Variants in CACNA1E observed in about 807,000 individuals in gnomAD.
CACNA1E encodes the protein calcium voltage-gated channel subunit alpha1 E, also known as voltage-dependent R-type calcium channel subunit alpha-1E.
A neutral mutation model predicts 259.2 loss-of-function variants in CACNA1E; 40 were observed. The observed-to-expected ratio is 0.15, with a 90% confidence interval of 0.12 to 0.20. The LOEUF is 0.20. CACNA1E is among the 10% of genes least tolerant of loss of function. The pLI is 1.00. For missense variants in CACNA1E, 1,874 were observed against 3,040.1 expected (o/e 0.62, Z 9.02); for synonymous variants, 1,104 against 1,138.5 (o/e 0.97, Z 0.61).
chr1:181,485,794 T>C lies in CACNA1E; in HGVS notation c.266+1784T>C, dbSNP rs555355361. On this transcript the variant is annotated intron_variant, in intron 1 of 47. Transcript: ENST00000367573. This position sits in a 1 kb window ranked among gnomAD's most constrained non-coding sequence, Gnocchi z 4.2. Reference sequence around the variant, plus strand: ...CTAAATCTTCCCATCCACCAGGTGCTGCCTTGCTGTGCCCCTCTCTTAGGG... The same window carrying C: ...CTAAATCTTCCCATCCACCAGGTGCCGCCTTGCTGTGCCCCTCTCTTAGGG... Among the ~76,000 whole-genome samples the C allele has an allele frequency of 9.2e-5, 14 of 152,372 alleles. No individual in the cohort carries two copies. The highest frequency in any genetic ancestry group is 8.5e-4 in the Admixed American group (13 of 15,308).
At chr1:181,650,708 T>A (rs1237913816) in intron 6 of CACNA1E, among the ~76,000 whole-genome samples, 1 of 152,152 alleles carries the variant, frequency 6.6e-6, no homozygotes, top group Non-Finnish European at 1.5e-5. Flanking sequence ...TTGCAGGCAT[T>A]TTTTAATTCA....
At chr1:181,695,909 T>G (rs2102347308) in intron 7 of CACNA1E, among the ~76,000 whole-genome samples, 1 of 152,238 alleles carries the variant, frequency 6.6e-6, no homozygotes, top group East Asian at 1.9e-4. Flanking sequence ...GAGTTGAGAT[T>G]GCGCCACTGC....
At chr1:181,341,788 A>T (rs984641571) in intron 1 of CACNA1E, among the ~76,000 whole-genome samples, 1 of 152,112 alleles carries the variant, frequency 6.6e-6, no homozygotes, top group Non-Finnish European at 1.5e-5. Flanking sequence ...GACTACTTAC[A>T]TGGCTATTTT....
At chr1:181,520,560 T>G (rs1284103333) in intron 3 of CACNA1E, among the ~76,000 whole-genome samples, 3 of 152,210 alleles carry the variant, frequency 2.0e-5, no homozygotes, top group Non-Finnish European at 2.9e-5. Context: ...AGAAACAAAT[T>G]TCACTGAAAC....
chr1:181,409,742 C>A (rs1240044922), intron 1 of CACNA1E, among the ~76,000 whole-genome samples: 1 of 152,022 alleles, frequency 6.6e-6, no homozygotes, highest in Non-Finnish European at 1.5e-5. Context: ...AACAGACCCT[C>A]CTGGTGAACA....
chr1:181,638,129 A>C (rs992409832), intron 6 of CACNA1E, among the ~76,000 whole-genome samples: 10 of 152,132 alleles, frequency 6.6e-5, no homozygotes, highest in African/African-American at 2.2e-4. Context: ...TGAAGAATGA[A>C]ACCAGCTGTG....
chr1:181,788,288 C>G (rs1238583327), intron 43 of CACNA1E, among the ~76,000 whole-genome samples: 3 of 152,150 alleles, frequency 2.0e-5, no homozygotes, highest in African/African-American at 7.2e-5. Context: ...CATTGGGACA[C>G]TGGTGGAACA....
chr1:181,439,099 A>G (rs1158735989), intron 2 of CACNA1E, among the ~76,000 whole-genome samples: 1 of 152,218 alleles, frequency 6.6e-6, no homozygotes, highest in Non-Finnish European at 1.5e-5. Flanking sequence ...TTAAAAACAT[A>G]CCTACCAAAC....
intron 1 of CACNA1E, among the ~76,000 whole-genome samples, chr1:181,497,677 G>A (rs1172817484): frequency 6.6e-6 from 1 of 152,208 alleles, no homozygotes. Context: ...TGGTGCCACT[G>A]GCTGCTCTCT....
At chr1:181,407,710 A>T (rs773537389) in intron 1 of CACNA1E, among the ~76,000 whole-genome samples, 7 of 152,126 alleles carry the variant, frequency 4.6e-5, no homozygotes, top group Non-Finnish European at 8.8e-5. Flanking sequence ...TCCCTAGATG[A>T]ATATTTATTT....
chr1:181,423,578 A>C (rs1190450028), intron 2 of CACNA1E, among the ~76,000 whole-genome samples: 1 of 152,122 alleles, frequency 6.6e-6, no homozygotes, highest in Non-Finnish European at 1.5e-5. Flanking sequence ...TTCACACCGC[A>C]TTCAGCATCA....
At position 181,579,082 on chromosome 1, in the gene CACNA1E, T is replaced by A. The variant is rs985328341; in HGVS notation, c.627T>A (p.Ile209=). ...TGTCCTTCCTTCTAGGCCTGCAGATTGTGTTGAAGTCCATCATGAAGGCCA... is the reference window on the plus strand; with the variant it reads ...TGTCCTTCCTTCTAGGCCTGCAGATAGTGTTGAAGTCCATCATGAAGGCCA... The part of the protein sequence containing the change: ...KLVSGIPSLQ[I]VLKSIMKAMV... The change falls in exon 5 of 48, where the codon ATT becomes ATA. Residue 209 remains isoleucine (I), a synonymous_variant. Transcript: ENST00000367573. 4 of 1,609,722 alleles carry A rather than the reference T, an allele frequency of 2.5e-6. No individual in the cohort carries two copies. In the South Asian group the frequency reaches 3.3e-5, roughly 13 times the overall value.
At chr1:181,792,595 C>G (rs1473731980) in intron 44 of CACNA1E, among the ~76,000 whole-genome samples, 2 of 152,230 alleles carry the variant, frequency 1.3e-5, no homozygotes, top group African/African-American at 4.8e-5. Context: ...AGTACCCCTG[C>G]CATACACACC....
chr1:181,606,418 G>A (rs151029100), intron 6 of CACNA1E, among the ~76,000 whole-genome samples: 826 of 152,212 alleles, frequency 5.4e-3, no homozygotes, highest in Non-Finnish European at 8.6e-3. Flanking sequence ...ACAGCAGGTC[G>A]TATGGATGCT....
intron 34 of CACNA1E, among the ~76,000 whole-genome samples, chr1:181,764,871 A>G (rs1042820993): frequency 2.6e-5 from 4 of 152,164 alleles, no homozygotes; most frequent in African/African-American, 7.2e-5. Flanking sequence ...CACAATCACC[A>G]AGTCTCTGAG....
rs554611268 is a variant in CACNA1E, at chr1:181,608,389, T to C, written c.951+27613T>C. 7.9e-5 allele frequency among the ~76,000 whole-genome samples: 12 copies of C among 152,242 alleles called. No homozygotes were observed. In the South Asian group the frequency reaches 2.5e-3, roughly 32 times the overall value. On this transcript the variant is annotated intron_variant, in intron 6 of 47. Transcript: ENST00000367573. ...TAGTGGGAAATAGGATTTAAGAAGT[T>C]GGCAGGAATGACCAAACCATGATTG...
At chr1:181,645,763 G>A (rs1205040044) in intron 6 of CACNA1E, among the ~76,000 whole-genome samples, 3 of 152,218 alleles carry the variant, frequency 2.0e-5, no homozygotes, top group Admixed American at 1.3e-4. Flanking sequence ...AAAGAGCTGG[G>A]ACTGAGACTG....
At chr1:181,635,411 C>A (rs1657118525) in intron 6 of CACNA1E, among the ~76,000 whole-genome samples, 2 of 152,180 alleles carry the variant, frequency 1.3e-5, no homozygotes, top group Non-Finnish European at 2.9e-5. Flanking sequence ...TCCATCTCTC[C>A]CCACAGCCTT....
intron 25 of CACNA1E, among the ~76,000 whole-genome samples, chr1:181,742,492 G>T (rs904293092): frequency 6.6e-6 from 1 of 152,098 alleles, no homozygotes; most frequent in Non-Finnish European, 1.5e-5. Context: ...TCTTGAAATT[G>T]AACCATGACT....
Sources: allele counts gnomAD v4.1 joint callset (sites outside exome capture counted in the v4.1 genomes callset), GRCh38; gene constraint gnomAD v4.1.1; non-coding constraint Gnocchi (gnomAD v3.1); transcripts MANE v1.5; gene names NCBI Gene and HGNC (gene_info 2026-07-23, HGNC 2026-07-21).